Variants in GOSR1 observed in about 807,000 individuals in gnomAD.
GOSR1 encodes the protein 28 kDa Golgi SNARE protein.
In GOSR1, 21 loss-of-function variants were observed where a neutral mutation model predicts 35.5. The observed-to-expected ratio is 0.59, with a 90% CI of 0.42 to 0.85. GOSR1 has a LOEUF of 0.85. Ranked by LOEUF, GOSR1 falls within the 40% of genes least tolerant of loss-of-function variation. The probability of loss-of-function intolerance (pLI) is 0.00; values close to 1 mark genes in which losing one functional copy is unlikely to be tolerated. For synonymous variants in GOSR1, 94 were observed against 106.6 expected, an observed-to-expected ratio of 0.88 and a Z score of 0.73; for missense variants, 285 against 309.6, an observed-to-expected ratio of 0.92 and a Z score of 0.60.
chr17:30,496,910 T>TG (rs1462111665), intron 6 of GOSR1, among the ~76,000 whole-genome samples: 3 of 152,216 alleles, frequency 2.0e-5, no homozygotes, highest in Non-Finnish European at 4.4e-5. Flanking sequence ...CTCTGATTTA[T>TG]GGGCATGTCA....
intron 5 of GOSR1, among the ~76,000 whole-genome samples, chr17:30,491,213 A>T (rs779905706): frequency 1.3e-5 from 2 of 152,186 alleles, no homozygotes; most frequent in African/African-American, 2.4e-5. Flanking sequence ...TAATGTATAG[A>T]CACTGAGCCC....
chr17:30,492,321 T>C (rs1466367438), intron 5 of GOSR1, among the ~76,000 whole-genome samples: 2 of 152,194 alleles, frequency 1.3e-5, no homozygotes, highest in Admixed American at 6.5e-5. Context: ...TCCCACCCTG[T>C]GTGCTGTGTA....
intron 6 of GOSR1, among the ~76,000 whole-genome samples, chr17:30,500,130 T>G (rs1325181150): frequency 6.6e-6 from 1 of 152,194 alleles, no homozygotes; most frequent in East Asian, 1.9e-4. Flanking sequence ...TGTGACTTCC[T>G]TTTCTTTTCA....
intron 6 of GOSR1, among the ~76,000 whole-genome samples, chr17:30,493,198 T>A (rs1014659927): frequency 6.6e-6 from 1 of 152,090 alleles, no homozygotes; most frequent in Non-Finnish European, 1.5e-5. Flanking sequence ...AGTTTCGCCA[T>A]GTAGCCAGGA....
chr17:30,477,481 C>A lies in GOSR1; in HGVS notation c.31+17C>A. On this transcript the variant is annotated intron_variant, in intron 1 of 8. Transcript: ENST00000451249. ...ACTGGGAAGGTGAGGGCGAGAAGGCCTCCGGGTGCGTCCTACGAGGGTGAG... is the reference window on the plus strand; with the variant it reads ...ACTGGGAAGGTGAGGGCGAGAAGGCATCCGGGTGCGTCCTACGAGGGTGAG... 1 of 1,606,220 alleles carries A rather than the reference C, an allele frequency of 6.2e-7. No homozygotes were observed. The highest frequency in any genetic ancestry group is 8.5e-7 in the Non-Finnish European group (1 of 1,175,298).
chr17:30,483,904 A>C (rs908165254), intron 2 of GOSR1, among the ~76,000 whole-genome samples: 1 of 152,248 alleles, frequency 6.6e-6, no homozygotes, highest in Admixed American at 6.5e-5. Flanking sequence ...CATGCAGGAC[A>C]TGGCTGTATA....
In GOSR1 at chr17:30,527,487, A is replaced by G. The variant is rs1968201456; in HGVS notation, c.*5109A>G. 6.6e-6 allele frequency: 1 copy of G among 152,206 alleles called. No homozygotes were observed. The highest frequency in any genetic ancestry group is 2.1e-4 in the South Asian group (1 of 4,828). The allele number at this position is 152,206 out of a possible 1,614,324, so 9.4% of individuals were successfully genotyped here. On this transcript the variant is annotated 3_prime_UTR_variant, in exon 9 of 9. Transcript: ENST00000451249. ...AATTCCTCTTCTATAAAATGGTGAT[A>G]AGGATGGCTACCATAATTGTGCCCT...
At chr17:30,481,823 C>T (rs980124988) in intron 2 of GOSR1, among the ~76,000 whole-genome samples, 1 of 152,110 alleles carries the variant, frequency 6.6e-6, no homozygotes, top group Non-Finnish European at 1.5e-5. Flanking sequence ...AAGTCATCCA[C>T]TTGTTTCAAG....
intron 6 of GOSR1, among the ~76,000 whole-genome samples, chr17:30,508,186 C>G (rs1410601680): frequency 6.6e-6 from 1 of 152,110 alleles, no homozygotes. Context: ...TGAGTATTAG[C>G]TATCATTATT....
At chr17:30,484,142 CCTT>C (rs1597757211) in intron 2 of GOSR1, 69 bp from the exon 3 acceptor site, 4 of 801,044 alleles carry the variant, frequency 5.0e-6, no homozygotes, top group Admixed American at 1.8e-5. Flanking sequence ...CTATTAATCA[CCTT>C]ATTATTTTAA....
At chr17:30,483,250 A>G (rs1275588553) in intron 2 of GOSR1, among the ~76,000 whole-genome samples, 1 of 151,510 alleles carries the variant, frequency 6.6e-6, no homozygotes, top group Non-Finnish European at 1.5e-5. Context: ...GTGTTTGGCC[A>G]TTTCCCTTTA....
Position 30,527,440 on chromosome 17 carries a change from G to A in GOSR1, c.*5062G>A, listed in dbSNP as rs2143989668. On this transcript the variant is annotated 3_prime_UTR_variant, in exon 9 of 9. Coordinates refer to ENST00000451249, the MANE Select transcript of GOSR1 (RefSeq NM_001007025.2). Reference sequence around the variant, plus strand: ...CCCCACTGTCTAATTTTAGAGCTTTGCAATTAATCCAGCCAGTGATCAATT... The same window carrying A: ...CCCCACTGTCTAATTTTAGAGCTTTACAATTAATCCAGCCAGTGATCAATT... The A allele has an allele frequency of 6.6e-6, 1 of 152,256 alleles. No individual in the cohort carries two copies. Among genetic ancestry groups the A allele is most frequent in the African/African-American group, 2.4e-5 (1 of 41,556 alleles). 9.4% of individuals were successfully genotyped at this position (152,256 alleles called of 1,614,324 possible).
chr17:30,505,006 A>G (rs1316211643), intron 6 of GOSR1, among the ~76,000 whole-genome samples: 3 of 152,120 alleles, frequency 2.0e-5, no homozygotes, highest in Non-Finnish European at 4.4e-5. Context: ...GTAATTTTAT[A>G]TTTCTTTCTA....
intron 8 of GOSR1, among the ~76,000 whole-genome samples, chr17:30,520,935 T>A (rs921856192): frequency 1.3e-5 from 2 of 152,180 alleles, no homozygotes; most frequent in Non-Finnish European, 2.9e-5. Context: ...ATATACATTA[T>A]CTCATTTTAC....
chr17:30,488,192 T>C (rs1206129251), intron 4 of GOSR1, among the ~76,000 whole-genome samples: 1 of 141,590 alleles, frequency 7.1e-6, no homozygotes, highest in Admixed American at 7.3e-5. Flanking sequence ...TGAGACAGAG[T>C]CTCACTCTGT....
At chr17:30,513,615 G>A (rs958471346) in intron 7 of GOSR1, among the ~76,000 whole-genome samples, 1 of 152,278 alleles carries the variant, frequency 6.6e-6, no homozygotes, top group African/African-American at 2.4e-5. Flanking sequence ...CTGTCCACTT[G>A]TGAGTCAAAG....
chr17:30,485,026 A>C, intron 4 of GOSR1: 2 of 474,566 alleles, frequency 4.2e-6, no homozygotes, highest in Non-Finnish European at 7.7e-6. Flanking sequence ...TACTTCCACT[A>C]TGGGAGACCT....
intron 7 of GOSR1, 86 bp downstream of exon 7, chr17:30,510,995 TAAAG>T (rs1199805734): frequency 2.7e-5 from 21 of 786,318 alleles, no homozygotes; most frequent in African/African-American, 5.3e-5. Context: ...GTTTTAGAAT[TAAAG>T]AAAAAACATT....
intron 7 of GOSR1, among the ~76,000 whole-genome samples, chr17:30,515,294 ATTT>A (rs35911853): frequency 0.011 from 1,554 of 139,522 alleles, 30 homozygotes; most frequent in African/African-American, 0.037. Flanking sequence ...TGCCCAGCTA[ATTT>A]TTTTTTTTTT....
Sources: gnomAD v4.1 joint callset for allele counts (sites outside exome capture counted in the v4.1 genomes callset) on GRCh38, gnomAD v4.1.1 for gene constraint, MANE v1.5 for transcripts, NCBI Gene and HGNC (gene_info 2026-07-23, HGNC 2026-07-21) for gene names.